Variants in PPP4R3B observed in about 807,000 individuals in gnomAD.
PPP4R3B encodes the protein serine/threonine-protein phosphatase 4 regulatory subunit 3B.
PPP4R3B carries 52 observed loss-of-function variants against 95.4 expected under a neutral mutation model. The observed-to-expected ratio is 0.54, with a 90% CI of 0.44 to 0.69. The LOEUF (loss-of-function observed/expected upper bound fraction) is 0.69, where lower values mean the gene tolerates loss of function less well. PPP4R3B is among the 30% of genes least tolerant of loss of function. PPP4R3B has a pLI of 0.00. For missense variants in PPP4R3B, 1,003 were observed against 1,005.9 expected, an observed-to-expected ratio of 1.00 and a Z score of 0.04; for synonymous variants, 407 against 343.9, an observed-to-expected ratio of 1.18 and a Z score of -2.03.
At chr2:55,561,011 C>A (rs1241007519) in intron 15 of PPP4R3B, among the ~76,000 whole-genome samples, 2 of 152,060 alleles carry the variant, frequency 1.3e-5, no homozygotes, top group Admixed American at 1.3e-4. Context: ...TAACAAGGAG[C>A]CAAATGTTAA....
chr2:55,615,656 C>T (rs1694791087), intron 1 of PPP4R3B, 150 bp from the exon 2 acceptor site: 2 of 540,720 alleles, frequency 3.7e-6, no homozygotes, highest in Non-Finnish European at 3.2e-6. Flanking sequence ...GAGATCCAGA[C>T]CATTCCAGCC....
intron 2 of PPP4R3B, among the ~76,000 whole-genome samples, chr2:55,604,745 T>C (rs753123093): frequency 6.6e-6 from 1 of 152,058 alleles, no homozygotes; most frequent in Non-Finnish European, 1.5e-5. Context: ...TAGGAAAAGG[T>C]TGTCACCCCT....
intron 4 of PPP4R3B, among the ~76,000 whole-genome samples, chr2:55,591,016 A>G (rs536484664): frequency 3.9e-5 from 6 of 152,176 alleles, no homozygotes; most frequent in African/African-American, 1.2e-4. Context: ...AATTAGTCTG[A>G]CTCAGGTGTT....
At chr2:55,616,855 T>C (rs1003213041) in intron 1 of PPP4R3B, among the ~76,000 whole-genome samples, 1 of 152,052 alleles carries the variant, frequency 6.6e-6, no homozygotes, top group African/African-American at 2.4e-5. Flanking sequence ...ACCTAGTCTC[T>C]CACTACTTCC....
chr2:55,570,158 G>A (rs906949702), intron 12 of PPP4R3B, among the ~76,000 whole-genome samples: 1 of 152,190 alleles, frequency 6.6e-6, no homozygotes. Context: ...GCTGCGGCAG[G>A]AGAATCACTT....
intron 16 of PPP4R3B, among the ~76,000 whole-genome samples, chr2:55,553,751 C>T (rs745668699): frequency 6.6e-6 from 1 of 152,154 alleles, no homozygotes; most frequent in Non-Finnish European, 1.5e-5. Flanking sequence ...ACAATGTTTT[C>T]AAAGTTAATC....
chr2:55,564,281 G>A (rs758204890), intron 15 of PPP4R3B, 32 bp downstream of exon 15: 10 of 1,582,332 alleles, frequency 6.3e-6, no homozygotes, highest in Non-Finnish European at 2.6e-6. Flanking sequence ...AAATAAGAGG[G>A]TACACTGTGC....
At position 55,595,316 on chromosome 2, in the gene PPP4R3B, C is replaced by A. The variant is rs775453955; in HGVS notation, c.921+3100G>T. ...CTGGGATTACAGGCATGAGCCACCACACCCAGCCTAAACTCTTAAGAATTA... is the reference window on the plus strand; with the variant it reads ...CTGGGATTACAGGCATGAGCCACCAAACCCAGCCTAAACTCTTAAGAATTA... On this transcript the variant is annotated intron_variant, in intron 4 of 16. Coordinates refer to ENST00000616407, the MANE Select transcript of PPP4R3B (RefSeq NM_001122964.3). 1.6e-3 allele frequency among the ~76,000 whole-genome samples: 240 copies of A among 152,102 alleles called. 2 individuals carry two copies. In the Middle Eastern group the frequency reaches 0.024, roughly 15 times the overall value.
At chr2:55,576,621 G>A (rs1027396134) in intron 11 of PPP4R3B, among the ~76,000 whole-genome samples, 5 of 151,348 alleles carry the variant, frequency 3.3e-5, no homozygotes, top group African/African-American at 9.7e-5. Context: ...AGAATCGCTT[G>A]AACTCAGGAG....
At chr2:55,559,025 T>A (rs1053962167) in intron 15 of PPP4R3B, 57 bp from the exon 16 acceptor site, 3 of 1,357,360 alleles carry the variant, frequency 2.2e-6, no homozygotes, top group Non-Finnish European at 1.0e-6. Flanking sequence ...AGTCAAAACA[T>A]CTAAAAACAG....
intron 2 of PPP4R3B, 114 bp from the exon 3 acceptor site, chr2:55,604,190 G>A (rs1168375060): frequency 4.7e-5 from 30 of 641,448 alleles, no homozygotes; most frequent in Admixed American, 6.8e-5. Flanking sequence ...GCCCCGATAT[G>A]AGTAATCAAT....
chr2:55,612,363 TAACA>T (rs1694282805), intron 2 of PPP4R3B, among the ~76,000 whole-genome samples: 1 of 152,222 alleles, frequency 6.6e-6, no homozygotes, highest in African/African-American at 2.4e-5. Flanking sequence ...AGGATAATTC[TAACA>T]AACATAGAAA....
At chr2:55,592,662 G>C (rs1399423185) in intron 4 of PPP4R3B, among the ~76,000 whole-genome samples, 1 of 151,930 alleles carries the variant, frequency 6.6e-6, no homozygotes, top group East Asian at 1.9e-4. Context: ...TAATCCTGCT[G>C]GGCTAATTTT....
chr2:55,571,127 G>A (rs1369741294), intron 12 of PPP4R3B, among the ~76,000 whole-genome samples: 3 of 152,058 alleles, frequency 2.0e-5, no homozygotes, highest in South Asian at 2.1e-4. Flanking sequence ...TGGCCAACAT[G>A]GTGAAACCCC....
At chr2:55,597,725 C>A (rs1220891637) in intron 4 of PPP4R3B, among the ~76,000 whole-genome samples, 1 of 152,154 alleles carries the variant, frequency 6.6e-6, no homozygotes, top group Non-Finnish European at 1.5e-5. Flanking sequence ...CACTTGAACC[C>A]AGGAGGCAGA....
chr2:55,615,796 T>C (rs985080663), intron 1 of PPP4R3B, among the ~76,000 whole-genome samples: 9 of 137,478 alleles, frequency 6.5e-5, no homozygotes, highest in African/African-American at 2.5e-4. Context: ...GAGGCAGAGG[T>C]TGCAGTAGCC....
At chr2:55,601,195 G>A (rs1417808084) in intron 3 of PPP4R3B, among the ~76,000 whole-genome samples, 9 of 150,888 alleles carry the variant, frequency 6.0e-5, no homozygotes, top group African/African-American at 2.2e-4. Context: ...TGAAGGCAAG[G>A]GATGACATTG....
At chr2:55,558,686 G>T in intron 16 of PPP4R3B, 89 bp downstream of exon 16, 1 of 932,794 alleles carries the variant, frequency 1.1e-6, no homozygotes, top group Non-Finnish European at 1.6e-6. Context: ...CATTGAAATT[G>T]TTTTGATTAT....
intron 6 of PPP4R3B, among the ~76,000 whole-genome samples, 182 bp downstream of exon 6, chr2:55,586,436 A>G (rs1304869106): frequency 6.6e-6 from 1 of 152,222 alleles, no homozygotes; most frequent in African/African-American, 2.4e-5. Flanking sequence ...CACTATATGC[A>G]AGTGATTACA....
Sources: gnomAD v4.1 joint callset for allele counts (sites outside exome capture counted in the v4.1 genomes callset) on GRCh38, gnomAD v4.1.1 for gene constraint, MANE v1.5 for transcripts, NCBI Gene and HGNC (gene_info 2026-07-23, HGNC 2026-07-21) for gene names.